BOD1L1: variants seen among roughly 807,000 people sequenced by gnomAD.
The protein encoded by BOD1L1 is biorientation of chromosomes in cell division protein 1-like 1.
BOD1L1 carries 86 observed loss-of-function variants against 240.7 expected under a neutral mutation model. The observed-to-expected ratio is 0.36, with a 90% CI of 0.30 to 0.43. BOD1L1 has a LOEUF of 0.43. BOD1L1 is among the 20% of genes least tolerant of loss of function. The pLI is 1.00. For synonymous variants in BOD1L1, 1,268 were observed against 1,272.3 expected, an observed-to-expected ratio of 1.00 and a Z score of 0.07; for missense variants, 3,554 against 3,643.5, an observed-to-expected ratio of 0.98 and a Z score of 0.63.
chr4:13,591,040 C>A (rs1195522735), intron 13 of BOD1L1, among the ~76,000 whole-genome samples: 3 of 151,394 alleles, frequency 2.0e-5, no homozygotes, highest in African/African-American at 7.3e-5. Flanking sequence ...CATTTAAAGT[C>A]TTTTTAAATT....
At position 13,602,990 on chromosome 4, in the gene BOD1L1, A is replaced by G. The variant is rs1560203636; in HGVS notation, c.3910T>C (p.Phe1304Leu). 6.2e-7 allele frequency: 1 copy of G among 1,614,006 alleles called. No homozygotes were observed. Among genetic ancestry groups the G allele is most frequent in the Non-Finnish European group, 8.5e-7 (1 of 1,179,886 alleles). Reference sequence around the variant, plus strand: ...CCTTCCAAAACAGTTCTTTTGTCAAACAGAGGAATTACATCTGGATCATAC... The same window carrying G: ...CCTTCCAAAACAGTTCTTTTGTCAAGCAGAGGAATTACATCTGGATCATAC... ...ESYDPDVIPLFDKRTVLEGST... is the reference protein window; with the variant it reads ...ESYDPDVIPLLDKRTVLEGST... Residue 1304 changes from phenylalanine (F) to leucine (L), a missense_variant, in exon 10 of 26, where the codon TTT becomes CTT. By Grantham distance (22) the Phe-to-Leu change is conservative. Around this residue, in one of 2 missense-constraint regions of BOD1L1, gnomAD observed 3,393 missense variants for 3,427.1 expected, o/e 0.99. Coordinates refer to ENST00000040738, the MANE Select transcript of BOD1L1 (RefSeq NM_148894.3).
chr4:13,612,097 A>G (rs1220947507), intron 5 of BOD1L1, among the ~76,000 whole-genome samples: 2 of 152,212 alleles, frequency 1.3e-5, no homozygotes, highest in African/African-American at 2.4e-5. Context: ...CTTCCTACAC[A>G]GGTAATGCAG....
At position 13,601,283 on chromosome 4, in the gene BOD1L1, T is replaced by C. The variant is rs1715131832; in HGVS notation, c.5617A>G (p.Ser1873Gly). 6.2e-7 allele frequency: 1 copy of C among 1,613,900 alleles called. No individual in the cohort carries two copies. The highest frequency in any genetic ancestry group is 1.3e-5 in the African/African-American group (1 of 74,928). ...CCAATTTCATTTCCTCTTCCAGTAC[T>C]AGTCACAACATCCTCCCCTTCCTCG... Reference protein sequence around the residue: ...EDEEGEDVVTSTGRGNEIGHA... With the variant: ...EDEEGEDVVTGTGRGNEIGHA... Residue 1873 changes from serine (S) to glycine (G), a missense_variant, in exon 10 of 26, where the codon AGT (serine) becomes GGT (glycine). By Grantham distance (56) the Ser-to-Gly change is moderately conservative. Around this residue, in one of 2 missense-constraint regions of BOD1L1, gnomAD observed 3,393 missense variants for 3,427.1 expected, o/e 0.99. Coordinates refer to ENST00000040738, the MANE Select transcript of BOD1L1 (RefSeq NM_148894.3).
At chr4:13,618,353 C>T (rs111596152) in intron 2 of BOD1L1, among the ~76,000 whole-genome samples, 21 of 152,306 alleles carry the variant, frequency 1.4e-4, no homozygotes, top group African/African-American at 4.1e-4. Flanking sequence ...CAGTAGGGCT[C>T]TGTATAAATG....
At chr4:13,584,299 C>T (rs954272490) in intron 17 of BOD1L1, among the ~76,000 whole-genome samples, 1 of 152,108 alleles carries the variant, frequency 6.6e-6, no homozygotes, top group South Asian at 2.1e-4. Flanking sequence ...TTCACTGAGA[C>T]ACTCATGCTG....
In BOD1L1 at chr4:13,606,104, A is replaced by G. The variant is rs560512631; in HGVS notation, c.1815+1013T>C. Among the ~76,000 whole-genome samples the G allele has an allele frequency of 2.0e-5, 3 of 152,322 alleles. No homozygotes were observed. The East Asian group carries it at 5.8e-4, about 29-fold the overall frequency. ...CTCCTTAAATGTCAACACAAAGATT[A>G]ATGTACTTCTACTAATAACAGGGTC... On this transcript the variant is annotated intron_variant, in intron 9 of 25. Coordinates refer to ENST00000040738, the MANE Select transcript of BOD1L1 (RefSeq NM_148894.3).
At chr4:13,591,732 A>G (rs982921462) in intron 13 of BOD1L1, among the ~76,000 whole-genome samples, 191 bp downstream of exon 13, 16 of 152,208 alleles carry the variant, frequency 1.1e-4, no homozygotes, top group Admixed American at 3.9e-4. Flanking sequence ...ATAGGTGAAC[A>G]TGGAAAAGAG....
At chr4:13,591,720 G>GT (rs1393597191) in intron 13 of BOD1L1, among the ~76,000 whole-genome samples, 11 of 152,144 alleles carry the variant, frequency 7.2e-5, no homozygotes, top group Non-Finnish European at 1.6e-4. Context: ...TTATCAGTGG[G>GT]TATAGGTGAA....
Position 13,618,867 on chromosome 4 carries a change from T to TAA in BOD1L1, c.368+1074_368+1075dup, listed in dbSNP as rs11367235. On this transcript the variant is annotated intron_variant, in intron 2 of 25. Transcript: ENST00000040738. ...GTATAAAACAGATTTGTTTAACTGTTAAAAAAAAAAAAAGCTACACTTCAT... is the reference window on the plus strand; with the variant it reads ...GTATAAAACAGATTTGTTTAACTGTTAAAAAAAAAAAAAAAGCTACACTTCAT... 3.4e-3 allele frequency among the ~76,000 whole-genome samples: 493 copies of TAA among 146,676 alleles called. 3 individuals are homozygous for TAA. The highest frequency in any genetic ancestry group is 4.9e-3 in the Non-Finnish European group (324 of 66,766).
At position 13,602,278 on chromosome 4, in the gene BOD1L1, G is replaced by A; in HGVS notation, c.4622C>T (p.Thr1541Ile). 6.2e-7 allele frequency: 1 copy of A among 1,614,008 alleles called. No individual in the cohort carries two copies. The highest frequency in any genetic ancestry group is 8.5e-7 in the Non-Finnish European group (1 of 1,179,902). ...SPVKAGPATT[T>I]SSETRQSEVA... ...CTCACTTTGTCTTGTTTCTGAAGAA[G>A]TGGTTGTGGCAGGCCCAGCCTTCAC... The change falls in exon 10 of 26, where the codon ACT becomes ATT. Residue 1541 changes from threonine to isoleucine, a missense_variant. Physicochemically the swap from Thr to Ile is moderately conservative, Grantham distance 89. This residue lies in a region of BOD1L1 where 3,393 missense variants were observed against 3,427.1 expected (regional missense o/e 0.99). Transcript: ENST00000040738.
intron 1 of BOD1L1, among the ~76,000 whole-genome samples, chr4:13,621,875 T>G (rs1276044726): frequency 6.6e-6 from 1 of 151,084 alleles, no homozygotes; most frequent in Non-Finnish European, 1.5e-5. Flanking sequence ...TCTTTTTTTT[T>G]TTTTTTTTTG....
chr4:13,620,873 G>T (rs777073599), intron 1 of BOD1L1, among the ~76,000 whole-genome samples: 1 of 152,176 alleles, frequency 6.6e-6, no homozygotes, highest in Non-Finnish European at 1.5e-5. Flanking sequence ...TAAATCTGAG[G>T]TAAGGCAATG....
rs143539965 is a variant in BOD1L1 at position 13,610,082 on chromosome 4, T to C, written c.1492-676A>G. Among the ~76,000 whole-genome samples the C allele has an allele frequency of 6.6e-5, 10 of 152,332 alleles. No homozygotes were observed. In the East Asian group the frequency reaches 1.7e-3, roughly 26 times the overall value. On this transcript the variant is annotated intron_variant, in intron 6 of 25. Transcript: ENST00000040738. ...AGCATTTTGGGGTAGTTTCTTCAAATCATTTTCCTATGTGACAATATTTCC... is the reference window on the plus strand; with the variant it reads ...AGCATTTTGGGGTAGTTTCTTCAAACCATTTTCCTATGTGACAATATTTCC...
chr4:13,582,810 T>A, intron 17 of BOD1L1, 74 bp from the exon 18 acceptor site: 1 of 1,031,414 alleles, frequency 9.7e-7, no homozygotes, highest in Non-Finnish European at 1.4e-6. Flanking sequence ...CCCACACAAG[T>A]TTGCCTTTCT....
At chr4:13,583,308 T>C (rs1713385397) in intron 17 of BOD1L1, among the ~76,000 whole-genome samples, 3 of 152,142 alleles carry the variant, frequency 2.0e-5, no homozygotes, top group Admixed American at 2.0e-4. Context: ...TAGAATAAGA[T>C]CAAGATGAAA....
At chr4:13,626,044 A>T (rs564428913) in intron 1 of BOD1L1, 2 of 152,272 alleles carry the variant, frequency 1.3e-5, no homozygotes, top group African/African-American at 2.4e-5. Flanking sequence ...CAGAACAACT[A>T]AACATACTAT....
intron 1 of BOD1L1, among the ~76,000 whole-genome samples, chr4:13,621,399 C>T (rs1717022158): frequency 6.6e-6 from 1 of 152,230 alleles, no homozygotes; most frequent in South Asian, 2.1e-4. Flanking sequence ...CACCTACCAT[C>T]CTGCAACTAC....
chr4:13,601,247 T>G lies in BOD1L1; in HGVS notation c.5653A>C (p.Thr1885Pro), dbSNP rs184864770. 43 of 1,613,868 alleles carry G rather than the reference T, an allele frequency of 2.7e-5. No individual in the cohort carries two copies. In the East Asian group the frequency reaches 6.2e-4, roughly 23 times the overall value. Reference sequence around the variant, plus strand: ...CTTTCTTCTCCTAACCCTGTACAAGTTGAAGCATGCCCAATTTCATTTCCT... The same window carrying G: ...CTTTCTTCTCCTAACCCTGTACAAGGTGAAGCATGCCCAATTTCATTTCCT... Reference protein sequence around the residue: ...GRGNEIGHASTCTGLGEESEG... With the variant: ...GRGNEIGHASPCTGLGEESEG... The change falls in exon 10 of 26, where the codon ACT becomes CCT. Residue 1885 changes from threonine to proline, a missense_variant. Thr to Pro is a conservative substitution (Grantham distance 38, BLOSUM62 -1). Coordinates refer to ENST00000040738, the MANE Select transcript of BOD1L1 (RefSeq NM_148894.3).
chr4:13,570,015 C>T lies in BOD1L1; in HGVS notation c.9152G>A (p.Arg3051Gln), dbSNP rs1180515107. 14 of 1,597,544 alleles carry T rather than the reference C, an allele frequency of 8.8e-6. No homozygotes were observed. Among genetic ancestry groups the T allele is most frequent in the African/African-American group, 1.4e-5 (1 of 73,852 alleles). The change falls in exon 26 of 26, where the codon CGA becomes CAA. Residue 3051 changes from arginine (R) to glutamine (Q), a missense_variant. Physicochemically the swap from Arg to Gln is conservative, Grantham distance 43. Coordinates refer to ENST00000040738, the MANE Select transcript of BOD1L1 (RefSeq NM_148894.3). Reference protein sequence around the residue: ...VEEAPVKKAKR With the variant: ...VEEAPVKKAKQ Reference sequence around the variant, plus strand: ...CTAGGGCAGCAGTGGTCAGGATTATCGCTTCGCTTTTTTCACAGGGGCTTC... The same window carrying T: ...CTAGGGCAGCAGTGGTCAGGATTATTGCTTCGCTTTTTTCACAGGGGCTTC...
Sources: gnomAD v4.1 joint callset for allele counts (sites outside exome capture counted in the v4.1 genomes callset) on GRCh38, gnomAD v4.1.1 for gene constraint, gnomAD v4.1.1 regional missense constraint, MANE v1.5 for transcripts, NCBI Gene and HGNC (gene_info 2026-07-23, HGNC 2026-07-21) for gene names.